Variants in CD109 observed in about 807,000 individuals in gnomAD.
CD109 encodes the protein CD109 antigen.
Under a neutral mutation model 165.8 loss-of-function variants are expected in CD109, and 149 were observed. The observed-to-expected ratio is 0.90, with a 90% CI of 0.79 to 1.03. The LOEUF (loss-of-function observed/expected upper bound fraction) is 1.03, where lower values mean the gene tolerates loss of function less well. Ranked by LOEUF, CD109 falls within the 50% of genes least tolerant of loss-of-function variation. The pLI, the probability that CD109 is intolerant of heterozygous loss-of-function variation, is 0.00. For synonymous variants in CD109, 585 were observed against 592.1 expected, an observed-to-expected ratio of 0.99 and a Z score of 0.18; for missense variants, 1,712 against 1,677.8, an observed-to-expected ratio of 1.02 and a Z score of -0.36.
At chr6:73,821,719 A>G (rs1776113493) in intron 32 of CD109, among the ~76,000 whole-genome samples, 1 of 152,162 alleles carries the variant, frequency 6.6e-6, no homozygotes, top group South Asian at 2.1e-4. Flanking sequence ...TGGGGACTTC[A>G]AAAGTGGGGA....
chr6:73,732,734 G>C (rs1299330912), intron 4 of CD109, among the ~76,000 whole-genome samples: 1 of 152,196 alleles, frequency 6.6e-6, no homozygotes, highest in African/African-American at 2.4e-5. Context: ...TGGATAATTA[G>C]TCTGTGCATT....
intron 2 of CD109, chr6:73,723,033 A>G (rs1159738971): frequency 1.4e-6 from 1 of 690,592 alleles, no homozygotes; most frequent in Admixed American, 6.3e-5. Flanking sequence ...GGGTTTGCCC[A>G]CTGATACCCT....
intron 20 of CD109, among the ~76,000 whole-genome samples, chr6:73,786,306 A>G (rs1774688748): frequency 6.6e-6 from 1 of 152,220 alleles, no homozygotes; most frequent in African/African-American, 2.4e-5. Context: ...CTTCCCCCAG[A>G]ATAAGTAGAG....
At chr6:73,782,422 A>G (rs1562065118) in intron 17 of CD109, among the ~76,000 whole-genome samples, 192 bp from the exon 18 acceptor site, 1 of 152,122 alleles carries the variant, frequency 6.6e-6, no homozygotes, top group Non-Finnish European at 1.5e-5. Context: ...TGCCAGTAAT[A>G]CTTACTGTAT....
At chr6:73,799,067 A>G (rs1430623332) in intron 23 of CD109, among the ~76,000 whole-genome samples, 1 of 152,074 alleles carries the variant, frequency 6.6e-6, no homozygotes, top group African/African-American at 2.4e-5. Flanking sequence ...TTTAGTCCTT[A>G]ATTAAAAATT....
intron 2 of CD109, among the ~76,000 whole-genome samples, chr6:73,702,536 G>A (rs981544439): frequency 1.3e-5 from 2 of 152,184 alleles, no homozygotes; most frequent in Admixed American, 6.5e-5. Context: ...AAGGGTGTAG[G>A]CTTTTCATTC....
intron 7 of CD109, among the ~76,000 whole-genome samples, chr6:73,760,361 T>C (rs1339918376): frequency 7.6e-6 from 1 of 131,456 alleles, no homozygotes; most frequent in Non-Finnish European, 1.5e-5. Context: ...GAGCCGAGAT[T>C]GTGCCACTGC....
chr6:73,687,717 A>G, the CD109 span, among the ~76,000 whole-genome samples: 6 of 152,206 alleles, frequency 3.9e-5, no homozygotes, highest in Non-Finnish European at 8.8e-5. Context: ...CTTGACCATG[A>G]AACTTGCTCT....
upstream of CD109, among the ~76,000 whole-genome samples, chr6:73,691,149 C>G (rs1388546018): frequency 6.6e-6 from 1 of 152,148 alleles, no homozygotes; most frequent in South Asian, 2.1e-4. Flanking sequence ...AAAGAAGGAG[C>G]CAAGGTTTTC....
intron 15 of CD109, among the ~76,000 whole-genome samples, chr6:73,773,497 A>G (rs72957314): frequency 0.025 from 3,756 of 152,006 alleles, 71 homozygotes; most frequent in East Asian, 0.042. Flanking sequence ...GCTTTTCTAT[A>G]TTTTAAAATT....
At chr6:73,755,582 A>G (rs1773359622) in intron 5 of CD109, among the ~76,000 whole-genome samples, 1 of 152,198 alleles carries the variant, frequency 6.6e-6, no homozygotes, top group African/African-American at 2.4e-5. Flanking sequence ...TAAATTTACA[A>G]TGCAAATTTC....
rs1385061551 is a variant in CD109, at chr6:73,815,053, T to G, written c.3841T>G (p.Phe1281Val). 6.3e-7 allele frequency: 1 copy of G among 1,588,722 alleles called. No homozygotes were observed. The highest frequency in any genetic ancestry group is 1.2e-5 in the South Asian group (1 of 86,126). Residue 1281 changes from phenylalanine to valine, a missense_variant, in exon 30 of 33, where the codon TTT (phenylalanine) becomes GTT (valine). Phe to Val is a conservative substitution (Grantham distance 50). Transcript: ENST00000287097. ...AAGATCTATCCAAAATCAAGAAGCC[T>G]TTGATTTAGATGTTGCTGTAAAAGA... is the stretch of plus-strand genomic sequence containing the variant. The part of the protein sequence containing the change: ...RRRSIQNQEA[F>V]DLDVAVKENK...
intron 2 of CD109, among the ~76,000 whole-genome samples, chr6:73,721,942 G>T (rs1470132925): frequency 1.3e-5 from 2 of 151,914 alleles, no homozygotes; most frequent in South Asian, 4.2e-4. Flanking sequence ...TGCCATGTTG[G>T]CCAGGCTGGT....
At chr6:73,773,615 C>T (rs537907021) in intron 15 of CD109, among the ~76,000 whole-genome samples, 1 of 151,920 alleles carries the variant, frequency 6.6e-6, no homozygotes, top group East Asian at 1.9e-4. Flanking sequence ...ATTAATTTAT[C>T]CTTGTTGGTT....
rs1380579753 is a variant in CD109 at position 73,810,769 on chromosome 6, A to T, written c.3547-223A>T. On this transcript the variant is annotated intron_variant, in intron 27 of 32. Transcript: ENST00000287097. ...TGTGAACTGTTTAGGGATTAATCTG[A>T]CAAAAATCAATAAGATCTATACACT... Among the ~76,000 whole-genome samples the T allele has an allele frequency of 2.0e-5, 3 of 152,144 alleles. No homozygotes were observed. The East Asian group carries it at 5.8e-4, about 29-fold the overall frequency.
intron 21 of CD109, among the ~76,000 whole-genome samples, chr6:73,788,223 T>A (rs928201357): frequency 7.2e-5 from 11 of 152,214 alleles, no homozygotes; most frequent in African/African-American, 2.4e-4. Context: ...GAAAAATTAA[T>A]CAAAGTTATG....
At position 73,824,266 on chromosome 6, in the gene CD109, A is replaced by G. The variant is rs148993215; in HGVS notation, c.*633A>G. The G allele has an allele frequency of 6.6e-6, 1 of 152,160 alleles. No individual in the cohort carries two copies. The highest frequency in any genetic ancestry group is 2.4e-5 in the African/African-American group (1 of 41,476). The allele number at this position is 152,160 out of a possible 1,614,324, so 9.4% of individuals were successfully genotyped here. A position where few individuals can be genotyped will look rare whatever the true frequency, so the allele number is the denominator to read the frequency against. On this transcript the variant is annotated 3_prime_UTR_variant, in exon 33 of 33. Transcript: ENST00000287097. ...CCCTCCCTCTCTTTTTCCTCTGTAG[A>G]GAAATGTGAGGGGCAGTACATTTAC...
intron 11 of CD109, 32 bp from the exon 12 acceptor site, chr6:73,766,727 A>T (rs1160817313): frequency 6.8e-7 from 1 of 1,480,274 alleles, no homozygotes; most frequent in Non-Finnish European, 9.3e-7. Context: ...ACTAAAGATG[A>T]ACATTTACAG....
intron 23 of CD109, among the ~76,000 whole-genome samples, chr6:73,794,359 G>C (rs1011062022): frequency 1.3e-5 from 2 of 152,182 alleles, no homozygotes; most frequent in African/African-American, 4.8e-5. Context: ...TGATGGAAAG[G>C]ACCAGGAATC....
Sources: allele counts gnomAD v4.1 joint callset (sites outside exome capture counted in the v4.1 genomes callset), GRCh38; gene constraint gnomAD v4.1.1; transcripts MANE v1.5; gene names NCBI Gene and HGNC (gene_info 2026-07-23, HGNC 2026-07-21).